The following RAB8B variants were observed in gnomAD, a reference collection of about 807,000 sequenced individuals.
RAB8B encodes RAB8B, member RAS oncogene family, also known as ras-related protein Rab-8B.
RAB8B carries 11 observed loss-of-function variants against 32.0 expected under a neutral mutation model. The ratio of observed to expected loss-of-function variants is 0.34; its 90% confidence interval spans 0.22 to 0.57. The LOEUF is 0.57. Among genes scored for constraint, RAB8B ranks in the 20% least tolerant of loss-of-function variants. The pLI is 0.86. For missense variants in RAB8B, 190 were observed against 258.5 expected (o/e 0.73, Z 1.82); for synonymous variants, 103 against 89.6 (o/e 1.15, Z -0.85).
intron 3 of RAB8B, among the ~76,000 whole-genome samples, chr15:63,249,993 G>A (rs553206148): frequency 5.9e-5 from 9 of 152,126 alleles, no homozygotes; most frequent in African/African-American, 2.2e-4. Flanking sequence ...AAAATTAGCC[G>A]GGCGCGGTGG....
chr15:63,267,443 T>C lies in RAB8B; in HGVS notation c.*3824T>C, dbSNP rs1227764085. ...AATTTTATGGCCTTACAGATGGCTT[T>C]TATTTTGTTTGCAGCTGACACTGCA... On this transcript the variant is annotated 3_prime_UTR_variant, in exon 8 of 8. Transcript: ENST00000321437. The C allele has an allele frequency of 6.6e-6, 1 of 152,454 alleles. No individual in the cohort carries two copies. Among genetic ancestry groups the C allele is most frequent in the Non-Finnish European group, 1.5e-5 (1 of 68,038 alleles). 9.4% of individuals were successfully genotyped at this position (152,454 alleles called of 1,614,324 possible).
At chr15:63,213,127 A>T (rs943538121) in intron 1 of RAB8B, among the ~76,000 whole-genome samples, 1 of 152,164 alleles carries the variant, frequency 6.6e-6, no homozygotes, top group African/African-American at 2.4e-5. Context: ...CTCTTTTCAG[A>T]ACTAGGGACA....
intron 1 of RAB8B, among the ~76,000 whole-genome samples, chr15:63,237,784 G>C (rs1288811428): frequency 6.6e-6 from 1 of 152,014 alleles, no homozygotes; most frequent in African/African-American, 2.4e-5. Flanking sequence ...GTGCTTGCAG[G>C]GTATTACTGT....
intron 1 of RAB8B, among the ~76,000 whole-genome samples, chr15:63,219,037 A>G (rs2037819553): frequency 1.9e-5 from 1 of 53,712 alleles, no homozygotes; most frequent in African/African-American, 5.0e-5. Flanking sequence ...TTTTTTTAGA[A>G]GGAAAGAGAT....
In RAB8B at chr15:63,263,666, G is replaced by T. The variant is rs564435832; in HGVS notation, c.*47G>T. 2.7e-6 allele frequency: 4 copies of T among 1,463,856 alleles called. No individual in the cohort carries two copies. The highest frequency in any genetic ancestry group is 3.8e-6 in the Non-Finnish European group (4 of 1,046,360). 90.7% of individuals were successfully genotyped at this position (1,463,856 alleles called of 1,614,324 possible). ...CAGCACACCTAGAGGGCCCTTTCCT[G>T]CTTCTCTGAAAGCACAGGTCACCCA... is the stretch of plus-strand genomic sequence containing the variant. On this transcript the variant is annotated 3_prime_UTR_variant, in exon 8 of 8. Coordinates refer to ENST00000321437, the MANE Select transcript of RAB8B (RefSeq NM_016530.3).
intron 1 of RAB8B, among the ~76,000 whole-genome samples, chr15:63,217,504 C>G (rs1364381369): frequency 6.6e-6 from 1 of 152,128 alleles, no homozygotes; most frequent in Non-Finnish European, 1.5e-5. Flanking sequence ...ACTCCAGATC[C>G]TTGACCAAGT....
At chr15:63,229,962 A>G (rs997795415) in intron 1 of RAB8B, among the ~76,000 whole-genome samples, 12 of 152,072 alleles carry the variant, frequency 7.9e-5, no homozygotes, top group African/African-American at 2.9e-4. Flanking sequence ...AAACTTTTGT[A>G]TCATAGAGGA....
At chr15:63,246,872 C>T (rs373093062) in intron 2 of RAB8B, among the ~76,000 whole-genome samples, 9 of 152,274 alleles carry the variant, frequency 5.9e-5, no homozygotes, top group East Asian at 1.9e-4. Flanking sequence ...ATTTCATTAG[C>T]GCACAAAAAG....
Position 63,266,403 on chromosome 15 carries a change from A to G in RAB8B, c.*2784A>G, listed in dbSNP as rs2038248387. Reference sequence around the variant, plus strand: ...ACTTCAGACAGATTATGATACAATAATCTACCTGTGCATCAGTTAGTAGGT... The same window carrying G: ...ACTTCAGACAGATTATGATACAATAGTCTACCTGTGCATCAGTTAGTAGGT... On this transcript the variant is annotated 3_prime_UTR_variant, in exon 8 of 8. Transcript: ENST00000321437. 1 of 152,580 alleles carries G rather than the reference A, an allele frequency of 6.6e-6. No individual in the cohort carries two copies. The highest frequency in any genetic ancestry group is 2.4e-5 in the African/African-American group (1 of 41,456). The allele number at this position is 152,580 out of a possible 1,614,324, so 9.5% of individuals were successfully genotyped here.
intron 1 of RAB8B, among the ~76,000 whole-genome samples, chr15:63,222,228 A>G (rs988120596): frequency 1.2e-4 from 18 of 152,092 alleles, no homozygotes; most frequent in African/African-American, 4.1e-4. Context: ...CAGTGACTCT[A>G]TGTCTTCAGT....
intron 1 of RAB8B, among the ~76,000 whole-genome samples, chr15:63,209,490 C>T (rs2037729235): frequency 6.6e-6 from 1 of 151,888 alleles, no homozygotes; most frequent in South Asian, 2.1e-4. Context: ...ACTCGGAAGG[C>T]TGAGGCAGGA....
At chr15:63,221,757 G>A (rs1300560839) in intron 1 of RAB8B, among the ~76,000 whole-genome samples, 4 of 152,282 alleles carry the variant, frequency 2.6e-5, no homozygotes, top group Admixed American at 6.5e-5. Context: ...CTGGGCTCAC[G>A]AATTAATAGT....
At chr15:63,223,919 T>C (rs2037868307) in intron 1 of RAB8B, 1 of 416,658 alleles carries the variant, frequency 2.4e-6, no homozygotes, top group Non-Finnish European at 4.8e-6. Context: ...TGAAGCAGTG[T>C]GATGTAGTGG....
At chr15:63,251,374 A>C (rs977164677) in intron 3 of RAB8B, 23 of 452,040 alleles carry the variant, frequency 5.1e-5, no homozygotes, top group Non-Finnish European at 1.0e-4. Context: ...TTAGACACAC[A>C]TGCCTTTCTG....
At chr15:63,230,053 T>C (rs1316062100) in intron 1 of RAB8B, among the ~76,000 whole-genome samples, 4 of 148,072 alleles carry the variant, frequency 2.7e-5, no homozygotes, top group Admixed American at 2.0e-4. Flanking sequence ...TGTGCCAAAA[T>C]GTTGATTTTT....
At chr15:63,241,713 CAT>C (rs2038033516) in intron 1 of RAB8B, among the ~76,000 whole-genome samples, 1 of 152,078 alleles carries the variant, frequency 6.6e-6, no homozygotes, top group Non-Finnish European at 1.5e-5. Flanking sequence ...TCTGAAGAAA[CAT>C]GTATTGAGTA....
At chr15:63,224,190 A>G (rs1466970173) in intron 1 of RAB8B, among the ~76,000 whole-genome samples, 1 of 152,218 alleles carries the variant, frequency 6.6e-6, no homozygotes, top group South Asian at 2.1e-4. Flanking sequence ...GTTGTTTCCA[A>G]CATAGTTTCT....
intron 1 of RAB8B, among the ~76,000 whole-genome samples, chr15:63,240,646 C>T (rs1034145140): frequency 6.6e-6 from 1 of 152,026 alleles, no homozygotes; most frequent in African/African-American, 2.4e-5. Flanking sequence ...TGTTCTGCAG[C>T]CGTTGTCTGT....
Position 63,259,675 on chromosome 15 carries a change from A to G in RAB8B, c.463A>G (p.Ser155Gly). The G allele has an allele frequency of 6.2e-7, 1 of 1,614,024 alleles. No individual in the cohort carries two copies. Among genetic ancestry groups the G allele is most frequent in the Non-Finnish European group, 8.5e-7 (1 of 1,179,852 alleles). ...ATTCTTGGAGACAAGCGCAAAATCC[A>G]GTGCAAATGTAGAAGAGGTAAGAAG... Reference protein sequence around the residue: ...IKFLETSAKSSANVEEAFFTL... With the variant: ...IKFLETSAKSGANVEEAFFTL... The change falls in exon 6 of 8, where the codon AGT (serine) becomes GGT (glycine). Residue 155 changes from serine to glycine, a missense_variant. By Grantham distance (56) the Ser-to-Gly change is moderately conservative. This residue lies in a region of RAB8B where 110 missense variants were observed against 115.9 expected (regional missense o/e 0.95). Coordinates refer to ENST00000321437, the MANE Select transcript of RAB8B (RefSeq NM_016530.3). The surrounding 1 kb of genome is among the most constrained non-coding windows in gnomAD (Gnocchi z 4.4).
Sources: gnomAD v4.1 joint callset for allele counts (sites outside exome capture counted in the v4.1 genomes callset) on GRCh38, gnomAD v4.1.1 for gene constraint, gnomAD v4.1.1 regional missense constraint, Gnocchi (gnomAD v3.1) non-coding constraint, MANE v1.5 for transcripts, NCBI Gene and HGNC (gene_info 2026-07-23, HGNC 2026-07-21) for gene names.